The following DNER variants were observed in gnomAD, a reference collection of about 807,000 sequenced individuals.
The protein encoded by DNER is delta and Notch-like epidermal growth factor-related receptor.
DNER carries 33 observed loss-of-function variants against 78.2 expected under a neutral mutation model. The ratio of observed to expected loss-of-function variants is 0.42; its 90% CI spans 0.32 to 0.56. DNER has a LOEUF of 0.56. Ranked by LOEUF, DNER falls within the 20% of genes least tolerant of loss-of-function variation. The probability of loss-of-function intolerance (pLI) is 0.11; values close to 1 mark genes in which losing one functional copy is unlikely to be tolerated. For synonymous variants in DNER, 417 were observed against 384.8 expected, an observed-to-expected ratio of 1.08 and a Z score of -0.98; for missense variants, 918 against 975.3, an observed-to-expected ratio of 0.94 and a Z score of 0.78.
Position 229,579,736 on chromosome 2 carries a change from C to T in DNER, c.847+6122G>A, listed in dbSNP as rs1266337283. On this transcript the variant is annotated intron_variant, in intron 4 of 12. Transcript: ENST00000341772. ...CTGAGCCTAAATTAGGAACTTTTGC[C>T]TAAGAGTAATGGTATTAGTTGGCTG... is the stretch of plus-strand genomic sequence containing the variant. 2.0e-5 allele frequency among the ~76,000 whole-genome samples: 3 copies of T among 151,702 alleles called. 1 individual carries two copies. Among genetic ancestry groups the T allele is most frequent in the Middle Eastern group, 6.3e-3 (2 of 316 alleles).
At chr2:229,401,645 G>A (rs1380294605) in intron 10 of DNER, among the ~76,000 whole-genome samples, 1 of 152,030 alleles carries the variant, frequency 6.6e-6, no homozygotes, top group Non-Finnish European at 1.5e-5. Context: ...AAATACACTA[G>A]TGGTTTCCAG....
chr2:229,588,362 TCTTAA>T, intron 3 of DNER, 27 bp downstream of exon 3: 1 of 1,605,348 alleles, frequency 6.2e-7, no homozygotes. Context: ...ATAGCATCAC[TCTTAA>T]CAGTTTGTAA....
At chr2:229,362,502 A>G (rs1052514453) in intron 12 of DNER, among the ~76,000 whole-genome samples, 4 of 152,202 alleles carry the variant, frequency 2.6e-5, no homozygotes, top group Non-Finnish European at 5.9e-5. Flanking sequence ...CTTCTCATTA[A>G]CAAACTCTGG....
intron 4 of DNER, among the ~76,000 whole-genome samples, chr2:229,547,685 C>T (rs1416913822): frequency 6.6e-6 from 1 of 152,216 alleles, no homozygotes. Context: ...GATCACCAAT[C>T]TGACTCCACA....
chr2:229,472,914 G>A (rs866913065), intron 7 of DNER, among the ~76,000 whole-genome samples: 7 of 152,194 alleles, frequency 4.6e-5, no homozygotes, highest in Admixed American at 3.9e-4. Context: ...AAGGGCAGAC[G>A]TGTCCTGAAG....
At chr2:229,404,564 C>T (rs1432356713) in intron 10 of DNER, among the ~76,000 whole-genome samples, 1 of 152,094 alleles carries the variant, frequency 6.6e-6, no homozygotes, top group Non-Finnish European at 1.5e-5. Flanking sequence ...AAAGCTTAGC[C>T]ATATCAGATG....
chr2:229,684,169 A>T (rs9288649), intron 1 of DNER, among the ~76,000 whole-genome samples: 19,494 of 94,300 alleles, frequency 0.21, 2,176 homozygotes, highest in East Asian at 0.34. Flanking sequence ...AGAGAGAGAG[A>T]GTGTGTGTGT....
intron 1 of DNER, among the ~76,000 whole-genome samples, chr2:229,626,873 G>A (rs1698354496): frequency 6.6e-6 from 1 of 152,162 alleles, no homozygotes; most frequent in African/African-American, 2.4e-5. Flanking sequence ...GAAAATAAAA[G>A]AAATATCCAA....
At chr2:229,625,942 T>C (rs369774228) in intron 1 of DNER, among the ~76,000 whole-genome samples, 3 of 151,648 alleles carry the variant, frequency 2.0e-5, no homozygotes, top group African/African-American at 2.4e-5. Flanking sequence ...TTTTTTGAGA[T>C]GGAGTCTCGC....
intron 8 of DNER, among the ~76,000 whole-genome samples, chr2:229,443,926 A>G (rs181002073): frequency 1.3e-5 from 2 of 152,260 alleles, no homozygotes; most frequent in African/African-American, 4.8e-5. Flanking sequence ...TTACACAGTC[A>G]CCTAACAATC....
At chr2:229,651,981 C>T (rs1232357149) in intron 1 of DNER, among the ~76,000 whole-genome samples, 1 of 151,930 alleles carries the variant, frequency 6.6e-6, no homozygotes, top group Non-Finnish European at 1.5e-5. Flanking sequence ...GGATTTGTCT[C>T]AATTAGAAAA....
intron 1 of DNER, among the ~76,000 whole-genome samples, chr2:229,683,040 A>G (rs1202895414): frequency 6.6e-6 from 1 of 152,246 alleles, no homozygotes; most frequent in East Asian, 1.9e-4. Flanking sequence ...TATTTAACAT[A>G]TTAATTATAA....
intron 6 of DNER, among the ~76,000 whole-genome samples, chr2:229,505,597 G>A (rs971673687): frequency 3.3e-5 from 5 of 152,112 alleles, no homozygotes; most frequent in Non-Finnish European, 5.9e-5. Flanking sequence ...CAGATTCAAG[G>A]AGAGCAGAAA....
chr2:229,428,907 T>C (rs1574839314), intron 8 of DNER, among the ~76,000 whole-genome samples: 2 of 151,230 alleles, frequency 1.3e-5, no homozygotes, highest in Middle Eastern at 6.8e-3. Flanking sequence ...GTTATCAAGA[T>C]GGAGACAGAA....
At chr2:229,382,812 G>A (rs368575244) in intron 11 of DNER, among the ~76,000 whole-genome samples, 30 of 152,244 alleles carry the variant, frequency 2.0e-4, no homozygotes, top group African/African-American at 6.3e-4. Context: ...AAAGTGACGG[G>A]GAGAATGGAA....
intron 8 of DNER, among the ~76,000 whole-genome samples, chr2:229,441,727 G>A (rs1031941873): frequency 6.6e-6 from 1 of 152,092 alleles, no homozygotes; most frequent in African/African-American, 2.4e-5. Context: ...ATTATAAAGT[G>A]GTCTTGTTTT....
At chr2:229,361,913 C>T (rs1331754570) in intron 12 of DNER, among the ~76,000 whole-genome samples, 4 of 130,440 alleles carry the variant, frequency 3.1e-5, no homozygotes, top group Non-Finnish European at 6.5e-5. Context: ...CTGGGTGGGG[C>T]GGGCTGGGTG....
intron 12 of DNER, among the ~76,000 whole-genome samples, chr2:229,365,715 C>T (rs1268416993): frequency 2.6e-5 from 4 of 152,282 alleles, no homozygotes; most frequent in South Asian, 4.2e-4. Context: ...GGATTGCAGG[C>T]GTGAGGCAGC....
chr2:229,492,277 CA>C (rs1472905381), intron 6 of DNER, among the ~76,000 whole-genome samples: 3 of 152,148 alleles, frequency 2.0e-5, no homozygotes, highest in African/African-American at 7.2e-5. Flanking sequence ...GTCACACAAC[CA>C]GTAGGTAGAA....
Sources: gnomAD v4.1 joint callset for allele counts (sites outside exome capture counted in the v4.1 genomes callset) on GRCh38, gnomAD v4.1.1 for gene constraint, MANE v1.5 for transcripts, NCBI Gene and HGNC (gene_info 2026-07-23, HGNC 2026-07-21) for gene names.